ZNF638: variants seen among roughly 807,000 people sequenced by gnomAD.
ZNF638 encodes the protein CTCL tumor antigen se33-1.
ZNF638 carries 46 observed loss-of-function variants against 195.6 expected under a neutral mutation model. The ratio of observed to expected loss-of-function variants is 0.24; its 90% CI spans 0.19 to 0.30. The LOEUF (loss-of-function observed/expected upper bound fraction) is 0.30, where lower values mean the gene tolerates loss of function less well. ZNF638 is among the 10% of genes least tolerant of loss of function. The pLI, the probability that ZNF638 is intolerant of heterozygous loss-of-function variation, is 1.00. For synonymous variants in ZNF638, 845 were observed against 772.0 expected (o/e 1.09, Z -1.57); for missense variants, 2,440 against 2,325.3 (o/e 1.05, Z -1.01).
chr2:71,384,503 A>C (rs2079598196), intron 10 of ZNF638, among the ~76,000 whole-genome samples: 1 of 152,142 alleles, frequency 6.6e-6, no homozygotes, highest in Non-Finnish European at 1.5e-5. Flanking sequence ...TTGGTTCTTT[A>C]TTTATGCTGT....
At chr2:71,385,913 A>G (rs576860665) in intron 10 of ZNF638, among the ~76,000 whole-genome samples, 12 of 151,896 alleles carry the variant, frequency 7.9e-5, no homozygotes, top group Admixed American at 2.6e-4. Context: ...TTTAACATAT[A>G]GTGTCTGCGA....
intron 10 of ZNF638, among the ~76,000 whole-genome samples, chr2:71,383,560 G>GTTTGTTT (rs2079571507): frequency 4.3e-4 from 52 of 122,084 alleles, no homozygotes; most frequent in Admixed American, 5.9e-4. Context: ...TTCCTGGGTG[G>GTTTGTTT]TTTTTTTTTT....
In ZNF638 at chr2:71,349,587, T is replaced by C. The variant is rs2078907293; in HGVS notation, c.633T>C (p.Tyr211=). The change falls in exon 2 of 28, where the codon TAT becomes TAC. Residue 211 remains tyrosine (Y), a synonymous_variant. Coordinates refer to ENST00000264447, the MANE Select transcript of ZNF638 (RefSeq NM_014497.5). ...CAGTTTCAAGTAATGTGATCGATTA[T>C]GGGCATGCAAGCAAATATGGCTACA... ...SEAVSSNVID[Y]GHASKYGYTE... is the part of the protein sequence containing the mutation. 2 of 1,614,202 alleles carry C rather than the reference T, an allele frequency of 1.2e-6. No individual in the cohort carries two copies. The highest frequency in any genetic ancestry group is 4.5e-5 in the East Asian group (2 of 44,878).
chr2:71,337,774 GTT>G (rs78694843), intron 1 of ZNF638, among the ~76,000 whole-genome samples: 2 of 136,190 alleles, frequency 1.5e-5, no homozygotes, highest in East Asian at 2.0e-4. Flanking sequence ...TTTTATAGCA[GTT>G]TTTTTTTCCC....
At position 71,431,372 on chromosome 2, in the gene ZNF638, G is replaced by A; in HGVS notation, c.5696G>A (p.Arg1899His). Reference protein sequence around the residue: ...GLKDSEPERKRKKTEDSSSGK... With the variant: ...GLKDSEPERKHKKTEDSSSGK... ...AAGGATTCAGAACCAGAGCGAAAAC[G>A]CAAGAAGACTGAAGACTCTTCTTCA... The change falls in exon 26 of 28, where the codon CGC (arginine) becomes CAC (histidine). Residue 1899 changes from arginine to histidine, a missense_variant. By Grantham distance (29) the Arg-to-His change is conservative. This residue lies in a region of ZNF638 where 1,883 missense variants were observed against 1,739.1 expected (regional missense o/e 1.08). Transcript: ENST00000264447. 9.3e-6 allele frequency: 15 copies of A among 1,613,950 alleles called. No individual in the cohort carries two copies. The highest frequency in any genetic ancestry group is 1.3e-5 in the Non-Finnish European group (15 of 1,179,872).
chr2:71,394,561 A>G (rs1169050795), intron 10 of ZNF638, among the ~76,000 whole-genome samples: 1 of 152,102 alleles, frequency 6.6e-6, no homozygotes, highest in African/African-American at 2.4e-5. Flanking sequence ...TCTAATTTAA[A>G]TATTACTAGT....
rs564836407 is a variant in ZNF638 at position 71,370,311 on chromosome 2, C to G, written c.2265+306C>G. 7.2e-5 allele frequency among the ~76,000 whole-genome samples: 11 copies of G among 152,306 alleles called. 1 individual carries two copies. In the South Asian group the frequency reaches 2.3e-3, roughly 32 times the overall value. ...TTTGACAGTATCTGGAAGTCCCTTG[C>G]TTGCTTCTTCCCAATTCTTACACCC... is the stretch of plus-strand genomic sequence containing the variant. On this transcript the variant is annotated intron_variant, in intron 8 of 27. Coordinates refer to ENST00000264447, the MANE Select transcript of ZNF638 (RefSeq NM_014497.5).
At chr2:71,377,329 C>T (rs2079449202) in intron 8 of ZNF638, among the ~76,000 whole-genome samples, 2 of 152,218 alleles carry the variant, frequency 1.3e-5, no homozygotes, top group Middle Eastern at 3.4e-3. Flanking sequence ...CATACTACTG[C>T]ATTTCAACCT....
Position 71,350,155 on chromosome 2 carries a change from G to T in ZNF638, c.1201G>T (p.Ala401Ser), listed in dbSNP as rs192912662. The part of the protein sequence containing the change: ...SWLPKFSHAD[A>S]QKMKRLPTPS... ...GCTACCAAAGTTTTCACATGCTGATGCCCAGAAGATGAAGAGACTTCCAAC... is the reference window on the plus strand; with the variant it reads ...GCTACCAAAGTTTTCACATGCTGATTCCCAGAAGATGAAGAGACTTCCAAC... The change falls in exon 2 of 28, where the codon GCC becomes TCC. Residue 401 changes from alanine to serine, a missense_variant. This residue lies in a region of ZNF638 where 305 missense variants were observed against 283.6 expected (regional missense o/e 1.08). Coordinates refer to ENST00000264447, the MANE Select transcript of ZNF638 (RefSeq NM_014497.5). 3.5e-5 allele frequency: 57 copies of T among 1,613,650 alleles called. No homozygotes were observed. The Admixed American group carries it at 9.0e-4, about 25-fold the overall frequency.
intron 2 of ZNF638, among the ~76,000 whole-genome samples, chr2:71,353,242 G>A (rs1044094637): frequency 6.6e-6 from 1 of 152,214 alleles, no homozygotes; most frequent in Admixed American, 6.5e-5. Flanking sequence ...AACGTGAAAT[G>A]TATTTGCTTG....
intron 24 of ZNF638, among the ~76,000 whole-genome samples, chr2:71,427,695 G>T (rs1280640428): frequency 6.6e-6 from 1 of 152,142 alleles, no homozygotes; most frequent in East Asian, 1.9e-4. Context: ...GAATGAAAAT[G>T]ATATATTTGT....
chr2:71,356,059 T>G (rs759376101), intron 3 of ZNF638, among the ~76,000 whole-genome samples: 39 of 152,250 alleles, frequency 2.6e-4, no homozygotes, highest in Non-Finnish European at 4.3e-4. Flanking sequence ...CCAGGATCTT[T>G]TATCTATATC....
At chr2:71,348,556 T>C in intron 1 of ZNF638, 197 bp from the exon 2 acceptor site, 3 of 1,186,848 alleles carry the variant, frequency 2.5e-6, no homozygotes, top group Non-Finnish European at 3.2e-6. Flanking sequence ...GGTTTGGGGC[T>C]TGTGTTCTGC....
intron 20 of ZNF638, among the ~76,000 whole-genome samples, chr2:71,410,183 CTGTT>C (rs913443667): frequency 1.3e-5 from 2 of 152,066 alleles, no homozygotes; most frequent in Admixed American, 6.6e-5. Flanking sequence ...GTTTGTTTTT[CTGTT>C]TGTTTGTTTT....
rs369596063 is a variant in ZNF638, at chr2:71,348,001, C to T, written c.-202-752C>T. Among the ~76,000 whole-genome samples the T allele has an allele frequency of 7.2e-5, 11 of 152,278 alleles. No individual in the cohort carries two copies. In the South Asian group the frequency reaches 8.3e-4, roughly 11 times the overall value. ...CCCATTCCATTTAAAGTTCATAGAA[C>T]GCTGACTGACACGTGGACAGTGCTC... On this transcript the variant is annotated intron_variant, in intron 1 of 27. Coordinates refer to ENST00000264447, the MANE Select transcript of ZNF638 (RefSeq NM_014497.5).
In ZNF638 at chr2:71,423,839, C is replaced by G; in HGVS notation, c.4325C>G (p.Pro1442Arg). ...LSAKEFGLLKPTSARSGLAES... is the reference protein window; with the variant it reads ...LSAKEFGLLKRTSARSGLAES... ...GCCAAGGAATTTGGTCTGCTTAAAC[C>G]CACAAGTGCCAGGTCAGGCTTGGCA... The change falls in exon 22 of 28, where the codon CCC becomes CGC. Residue 1442 changes from proline (P) to arginine (R), a missense_variant. This residue lies in a region of ZNF638 where 1,883 missense variants were observed against 1,739.1 expected (regional missense o/e 1.08). Coordinates refer to ENST00000264447, the MANE Select transcript of ZNF638 (RefSeq NM_014497.5). 1.9e-6 allele frequency: 3 copies of G among 1,614,104 alleles called. No homozygotes were observed. Among genetic ancestry groups the G allele is most frequent in the Non-Finnish European group, 2.5e-6 (3 of 1,180,014 alleles).
rs1311647571 is a variant in ZNF638 at position 71,349,342 on chromosome 2, A to C, written c.388A>C (p.Lys130Gln). The C allele has an allele frequency of 3.1e-6, 5 of 1,614,210 alleles. No homozygotes were observed. In the African/African-American group the frequency reaches 6.7e-5, roughly 22 times the overall value. ...AACACAGGTTACAGAGCAGAGTCCC[A>C]AAGTACAGAGCCGCTATACAAAAGA... Reference protein sequence around the residue: ...SVTQVTEQSPKVQSRYTKESA... With the variant: ...SVTQVTEQSPQVQSRYTKESA... The change falls in exon 2 of 28, where the codon AAA becomes CAA. Residue 130 changes from lysine to glutamine, a missense_variant. Around this residue, in one of 5 missense-constraint regions of ZNF638, gnomAD observed 191 missense variants for 173.8 expected, o/e 1.10. Coordinates refer to ENST00000264447, the MANE Select transcript of ZNF638 (RefSeq NM_014497.5).
rs559668747 is a variant in ZNF638, at chr2:71,342,656, A to C, written c.-202-6097A>C. On this transcript the variant is annotated intron_variant, in intron 1 of 27. Transcript: ENST00000264447. ...TTGACAGGAATACACTGAATTTTAT[A>C]GTTAGAAATGGAGATTTTTGTGCGT... Among the ~76,000 whole-genome samples, 9 of 147,768 alleles carry C rather than the reference A, an allele frequency of 6.1e-5. No individual in the cohort carries two copies. In the South Asian group the frequency reaches 1.1e-3, roughly 18 times the overall value.
chr2:71,366,766 C>T (rs2542512), intron 6 of ZNF638, among the ~76,000 whole-genome samples: 15,017 of 152,148 alleles, frequency 0.099, 805 homozygotes, highest in Non-Finnish European at 0.12. Context: ...GTCAAATACT[C>T]TGTTGTACAG....
Sources: gnomAD v4.1 joint callset for allele counts (sites outside exome capture counted in the v4.1 genomes callset) on GRCh38, gnomAD v4.1.1 for gene constraint, gnomAD v4.1.1 regional missense constraint, MANE v1.5 for transcripts, NCBI Gene and HGNC (gene_info 2026-07-23, HGNC 2026-07-21) for gene names.